IL1RL1: variants seen among roughly 807,000 people sequenced by gnomAD.
IL1RL1 encodes interleukin-1 receptor-like 1.
In IL1RL1, 32 loss-of-function variants were observed where a neutral mutation model predicts 50.9. The observed-to-expected ratio is 0.63, with a 90% CI of 0.47 to 0.84. The LOEUF is 0.84. IL1RL1 is among the 40% of genes least tolerant of loss of function. The pLI is 0.00. For synonymous variants in IL1RL1, 275 were observed against 236.0 expected (o/e 1.17, Z -1.51); for missense variants, 773 against 662.9 (o/e 1.17, Z -1.82).
chr2:102,328,307 C>T (rs924816804), intron 1 of IL1RL1, among the ~76,000 whole-genome samples: 1 of 151,892 alleles, frequency 6.6e-6, no homozygotes, highest in Non-Finnish European at 1.5e-5. Flanking sequence ...ATTCAACAAC[C>T]CTTCATGCTA....
At chr2:102,312,521 C>A (rs1467158236) in intron 1 of IL1RL1, among the ~76,000 whole-genome samples, 1 of 151,862 alleles carries the variant, frequency 6.6e-6, no homozygotes, top group African/African-American at 2.4e-5. Context: ...TTTCTGAAAT[C>A]CACAAAATCC....
chr2:102,327,218 C>T (rs1677034881), intron 1 of IL1RL1, among the ~76,000 whole-genome samples: 1 of 152,118 alleles, frequency 6.6e-6, no homozygotes. Flanking sequence ...AACCGCTCAA[C>T]TACATGGAAA....
chr2:102,336,709 A>G (rs537666802), intron 1 of IL1RL1, among the ~76,000 whole-genome samples: 34 of 151,630 alleles, frequency 2.2e-4, no homozygotes, highest in Admixed American at 9.2e-4. Context: ...TTCTTCATCC[A>G]GGCAGAGAGG....
At chr2:102,323,265 A>ATATATATATATATATATATATATC in intron 1 of IL1RL1, among the ~76,000 whole-genome samples, 1 of 143,092 alleles carries the variant, frequency 7.0e-6, no homozygotes, top group African/African-American at 2.6e-5. Flanking sequence ...ATATATATAT[A>ATATATATATATATATATATATATC]TATATATAGT....
chr2:102,346,007 C>T, intron 8 of IL1RL1: 2 of 984,370 alleles, frequency 2.0e-6, no homozygotes, highest in African/African-American at 1.7e-5. Context: ...CTCCTTCTAG[C>T]TTATTTGTAT....
At chr2:102,332,153 C>A (rs1233288811) in intron 1 of IL1RL1, among the ~76,000 whole-genome samples, 1 of 152,094 alleles carries the variant, frequency 6.6e-6, no homozygotes, top group African/African-American at 2.4e-5. Flanking sequence ...TATCAATAGA[C>A]AAAACTCACA....
intron 6 of IL1RL1, 115 bp from the exon 7 acceptor site, chr2:102,342,921 G>A (rs1180896509): frequency 3.3e-6 from 3 of 907,686 alleles, no homozygotes; most frequent in Non-Finnish European, 5.2e-6. Context: ...GAGGGAGGGA[G>A]GTCCTGGTGG....
chr2:102,341,146 A>T, intron 5 of IL1RL1: 1 of 1,075,162 alleles, frequency 9.3e-7, no homozygotes, highest in South Asian at 2.7e-5. Flanking sequence ...TGGCAATACA[A>T]CTATTTGGAG....
At chr2:102,345,233 C>A in intron 8 of IL1RL1, 1 of 985,320 alleles carries the variant, frequency 1.0e-6, no homozygotes, top group South Asian at 4.7e-5. Flanking sequence ...GATCCTTCTC[C>A]CCACTCCCTT....
At chr2:102,349,931 G>A (rs1308107195) in intron 10 of IL1RL1, among the ~76,000 whole-genome samples, 1 of 152,024 alleles carries the variant, frequency 6.6e-6, no homozygotes, top group Non-Finnish European at 1.5e-5. Context: ...AGCTATCAAG[G>A]GCCTAAGCAT....
At chr2:102,341,128 T>G (rs1475218058) in intron 5 of IL1RL1, 1 of 1,001,654 alleles carries the variant, frequency 1.0e-6, no homozygotes, top group Non-Finnish European at 1.2e-6. Context: ...TAACTTACTT[T>G]TTTTGAATGG....
At chr2:102,324,634 A>T (rs1032507615) in intron 1 of IL1RL1, among the ~76,000 whole-genome samples, 13 of 152,208 alleles carry the variant, frequency 8.5e-5, no homozygotes, top group Non-Finnish European at 1.5e-5. Context: ...GCACCTGGAA[A>T]ATCGGGTCAC....
At chr2:102,345,226 C>T in intron 8 of IL1RL1, 6 of 985,102 alleles carry the variant, frequency 6.1e-6, no homozygotes, top group Non-Finnish European at 7.2e-6. Context: ...GTGGACTGAT[C>T]CTTCTCCCCA....
intron 1 of IL1RL1, among the ~76,000 whole-genome samples, chr2:102,311,941 AT>A (rs1676501537): frequency 1.9e-5 from 1 of 51,408 alleles, no homozygotes; most frequent in Non-Finnish European, 3.3e-5. Context: ...ATTATATATA[AT>A]ATTATATATA....
rs200831341 is a variant in IL1RL1, at chr2:102,340,805, C to T, written c.587C>T (p.Ala196Val). Residue 196 changes from alanine to valine, a missense_variant, in exon 5 of 11, where the codon GCG (alanine) becomes GTG (valine). Transcript: ENST00000233954. Reference sequence around the variant, plus strand: ...AATGGAGCCAATTATAGTGTGACGGCGACCAGGTCCTTCACGGTCAAGGGT... The same window carrying T: ...AATGGAGCCAATTATAGTGTGACGGTGACCAGGTCCTTCACGGTCAAGGGT... ...NENGANYSVT[A>V]TRSFTVKDEQ... 96 of 1,573,918 alleles carry T rather than the reference C, an allele frequency of 6.1e-5. 1 individual carries two copies. In the South Asian group the frequency reaches 6.1e-4, roughly 10 times the overall value.
At chr2:102,346,359 A>C (rs1165148825) in intron 8 of IL1RL1, among the ~76,000 whole-genome samples, 2 of 152,230 alleles carry the variant, frequency 1.3e-5, no homozygotes, top group African/African-American at 4.8e-5. Flanking sequence ...AACTTGCGAA[A>C]TACTACAGTT....
At chr2:102,312,164 C>G (rs1272494863) in intron 1 of IL1RL1, among the ~76,000 whole-genome samples, 1 of 133,392 alleles carries the variant, frequency 7.5e-6, no homozygotes, top group Non-Finnish European at 1.5e-5. Context: ...AGAGGGAAGA[C>G]TTAGCTTTCC....
chr2:102,346,640 A>T (rs1677793784), intron 8 of IL1RL1, among the ~76,000 whole-genome samples: 1 of 152,198 alleles, frequency 6.6e-6, no homozygotes, highest in South Asian at 2.1e-4. Flanking sequence ...CCTGGAAAGG[A>T]ATCCTGTTGA....
At chr2:102,333,535 G>C (rs773396447) in intron 1 of IL1RL1, among the ~76,000 whole-genome samples, 6 of 152,220 alleles carry the variant, frequency 3.9e-5, no homozygotes, top group Admixed American at 3.9e-4. Context: ...CTGTTCTGGA[G>C]ACATGAAGCT....
Sources: gnomAD v4.1 joint callset for allele counts (sites outside exome capture counted in the v4.1 genomes callset) on GRCh38, gnomAD v4.1.1 for gene constraint, MANE v1.5 for transcripts, NCBI Gene and HGNC (gene_info 2026-07-23, HGNC 2026-07-21) for gene names.